SRGAP1: variants seen among roughly 807,000 people sequenced by gnomAD.
SRGAP1 encodes the protein SLIT-ROBO Rho GTPase-activating protein 1.
In SRGAP1, 43 loss-of-function variants were observed where a neutral mutation model predicts 121.9. The observed-to-expected ratio is 0.35, with a 90% CI of 0.28 to 0.46. The LOEUF (loss-of-function observed/expected upper bound fraction) is 0.46, where lower values mean the gene tolerates loss of function less well. Ranked by LOEUF, SRGAP1 falls within the 20% of genes least tolerant of loss-of-function variation. SRGAP1 has a pLI of 1.00. For synonymous variants in SRGAP1, 447 were observed against 485.4 expected, an observed-to-expected ratio of 0.92 and a Z score of 1.04; for missense variants, 1,102 against 1,350.9, an observed-to-expected ratio of 0.82 and a Z score of 2.89.
Position 64,146,638 on chromosome 12 carries a change from AG to A in SRGAP1, c.*3968del, listed in dbSNP as rs2037056665. 2 of 152,158 alleles carry A rather than the reference AG, an allele frequency of 1.3e-5. No homozygotes were observed. Among genetic ancestry groups the A allele is most frequent in the Admixed American group, 6.5e-5 (1 of 15,276 alleles). 9.4% of individuals were successfully genotyped at this position (152,158 alleles called of 1,614,324 possible). ...CATTTTTTGTGCAGGAAATGTGCTTAGGACTCAGTCTTGTTTTCGATTATCC... is the reference window on the plus strand; with the variant it reads ...CATTTTTTGTGCAGGAAATGTGCTTAGACTCAGTCTTGTTTTCGATTATCC... On this transcript the variant is annotated 3_prime_UTR_variant, in exon 22 of 22. Transcript: ENST00000355086.
intron 4 of SRGAP1, among the ~76,000 whole-genome samples, chr12:64,041,174 G>A (rs1004615098): frequency 6.6e-5 from 10 of 151,886 alleles, no homozygotes; most frequent in Non-Finnish European, 1.3e-4. Flanking sequence ...TAACAATGGG[G>A]AATTAAGTTA....
At position 63,993,876 on chromosome 12, in the gene SRGAP1, A is replaced by C. The variant is rs2198758; in HGVS notation, c.426+3804A>C. Among the ~76,000 whole-genome samples the C allele has an allele frequency of 8.3e-3, 1,270 of 152,170 alleles. 19 individuals are homozygous for C. Among genetic ancestry groups the C allele is most frequent in the African/African-American group, 0.029 (1,190 of 41,502 alleles). On this transcript the variant is annotated intron_variant, in intron 3 of 21. Transcript: ENST00000355086. ...AACAGGTTAAAAAAAAAAAAAAGTG[A>C]AGCATTTTAAAAATAACAATATTCA...
At chr12:64,109,179 G>T (rs938581173) in intron 16 of SRGAP1, 142 bp downstream of exon 16, 1 of 466,394 alleles carries the variant, frequency 2.1e-6, no homozygotes, top group Non-Finnish European at 3.6e-6. Context: ...TGTACTGAAG[G>T]TACATTTTTC....
At chr12:64,032,117 GGT>G (rs1213046096) in intron 4 of SRGAP1, among the ~76,000 whole-genome samples, 2 of 152,298 alleles carry the variant, frequency 1.3e-5, no homozygotes, top group East Asian at 3.9e-4. Flanking sequence ...CAATTTGAAT[GGT>G]GAGTAAGACA....
chr12:64,068,610 C>T (rs1424042279), intron 8 of SRGAP1, among the ~76,000 whole-genome samples: 1 of 151,744 alleles, frequency 6.6e-6, no homozygotes, highest in Non-Finnish European at 1.5e-5. Flanking sequence ...GCTGGGATTA[C>T]AGGCGTGAGC....
intron 1 of SRGAP1, among the ~76,000 whole-genome samples, chr12:63,855,473 G>GTTTTTTGTTTTTTT (rs1899208078): frequency 1.9e-5 from 1 of 52,898 alleles, no homozygotes; most frequent in African/African-American, 7.1e-5. Flanking sequence ...GAAAAATGGT[G>GTTTTTTGTTTTTTT]TTTTTTTTTT....
intron 8 of SRGAP1, among the ~76,000 whole-genome samples, chr12:64,071,469 A>C (rs935113701): frequency 3.9e-5 from 6 of 152,230 alleles, no homozygotes; most frequent in Admixed American, 2.0e-4. Flanking sequence ...CCCTGGAGCT[A>C]TAAAGATTAT....
At chr12:63,989,061 C>T (rs556622777) in intron 2 of SRGAP1, among the ~76,000 whole-genome samples, 10 of 152,184 alleles carry the variant, frequency 6.6e-5, no homozygotes, top group Middle Eastern at 3.2e-3. Flanking sequence ...CCACCCGCCT[C>T]GGCCTCCCAA....
intron 1 of SRGAP1, among the ~76,000 whole-genome samples, chr12:63,973,519 G>T (rs1592995512): frequency 1.3e-5 from 2 of 152,080 alleles, no homozygotes; most frequent in East Asian, 3.8e-4. Flanking sequence ...AATTAAATGA[G>T]ATAAACTGTA....
intron 18 of SRGAP1, among the ~76,000 whole-genome samples, chr12:64,123,703 C>T (rs914533719): frequency 6.6e-6 from 1 of 151,212 alleles, no homozygotes; most frequent in Non-Finnish European, 1.5e-5. Flanking sequence ...GAACTGAGGC[C>T]TCACTGTGTT....
intron 1 of SRGAP1, among the ~76,000 whole-genome samples, chr12:63,910,892 C>T (rs2030461566): frequency 1.3e-5 from 2 of 152,102 alleles, no homozygotes; most frequent in African/African-American, 4.8e-5. Context: ...AGAGATCCTC[C>T]ATTTGTCCTG....
chr12:64,067,646 A>G (rs1414586525), intron 8 of SRGAP1, among the ~76,000 whole-genome samples: 1 of 152,196 alleles, frequency 6.6e-6, no homozygotes, highest in Non-Finnish European at 1.5e-5. Context: ...ATCAGTAGAT[A>G]CCATAAAAAT....
At position 64,097,292 on chromosome 12, in the gene SRGAP1, C is replaced by A. The variant is rs2036174826; in HGVS notation, c.1730C>A (p.Ala577Asp). The change falls in exon 15 of 22, where the codon GCT (alanine) becomes GAT (aspartate). Residue 577 changes from alanine to aspartate, a missense_variant. Ala to Asp is a moderately radical substitution (Grantham distance 126). This residue lies in a region of SRGAP1 where 747 missense variants were observed against 929.4 expected (regional missense o/e 0.80). Coordinates refer to ENST00000355086, the MANE Select transcript of SRGAP1 (RefSeq NM_020762.4). ...DQSNHDINSV[A>D]GVLKLYFRGL... ...AGTAACCATGATATTAACTCAGTTGCTGGCGTTCTGAAGCTCTATTTCCGT... is the reference window on the plus strand; with the variant it reads ...AGTAACCATGATATTAACTCAGTTGATGGCGTTCTGAAGCTCTATTTCCGT... 6.2e-7 allele frequency: 1 copy of A among 1,611,580 alleles called. No homozygotes were observed.
At chr12:64,007,746 A>G (rs2034129033) in intron 3 of SRGAP1, among the ~76,000 whole-genome samples, 1 of 152,182 alleles carries the variant, frequency 6.6e-6, no homozygotes, top group Non-Finnish European at 1.5e-5. Flanking sequence ...TTATCCTAAG[A>G]AAGACCTTCT....
intron 1 of SRGAP1, among the ~76,000 whole-genome samples, chr12:63,861,828 A>C (rs1899463421): frequency 6.6e-6 from 1 of 152,092 alleles, no homozygotes; most frequent in Non-Finnish European, 1.5e-5. Context: ...CTCTATAAAA[A>C]ATTTAAAAAT....
intron 16 of SRGAP1, among the ~76,000 whole-genome samples, chr12:64,110,501 G>A (rs1403077904): frequency 6.6e-6 from 1 of 152,048 alleles, no homozygotes; most frequent in Non-Finnish European, 1.5e-5. Flanking sequence ...CTTGGGATGG[G>A]GATTATGAAA....
intron 4 of SRGAP1, among the ~76,000 whole-genome samples, chr12:64,029,432 A>G (rs2034725373): frequency 6.6e-6 from 1 of 152,162 alleles, no homozygotes; most frequent in Admixed American, 6.5e-5. Context: ...CAGCCCTGTG[A>G]TCAGGGAGCT....
chr12:64,130,764 A>G (rs1011682605), intron 21 of SRGAP1, among the ~76,000 whole-genome samples: 6 of 152,228 alleles, frequency 3.9e-5, no homozygotes, highest in African/African-American at 9.6e-5. Flanking sequence ...GTGGAATACC[A>G]TCATGGTGGA....
chr12:64,079,139 C>T, intron 9 of SRGAP1, 23 bp downstream of exon 9: 1 of 1,613,024 alleles, frequency 6.2e-7, no homozygotes, highest in Non-Finnish European at 8.5e-7. Context: ...CTTCCCAAGC[C>T]ACTCTACAGA....
Sources: allele counts gnomAD v4.1 joint callset (sites outside exome capture counted in the v4.1 genomes callset), GRCh38; gene constraint gnomAD v4.1.1; regional missense constraint gnomAD v4.1.1; transcripts MANE v1.5; gene names NCBI Gene and HGNC (gene_info 2026-07-23, HGNC 2026-07-21).